PARP4: variants seen among roughly 807,000 people sequenced by gnomAD.
The protein encoded by PARP4 is protein mono-ADP-ribosyltransferase PARP4.
A neutral mutation model predicts 187.7 loss-of-function variants in PARP4; 120 were observed. The ratio of observed to expected loss-of-function variants is 0.64; its 90% CI spans 0.55 to 0.74. The LOEUF (loss-of-function observed/expected upper bound fraction) is 0.74. PARP4 is among the 30% of genes least tolerant of loss of function. PARP4 has a pLI of 0.00. For synonymous variants in PARP4, 654 were observed against 740.9 expected (o/e 0.88, Z 1.90); for missense variants, 1,836 against 2,070.5 (o/e 0.89, Z 2.20).
chr13:24,475,335 T>G, intron 15 of PARP4, 137 bp downstream of exon 15: 3 of 801,816 alleles, frequency 3.7e-6, no homozygotes, highest in South Asian at 1.8e-5. Context: ...TGGCATGGAG[T>G]GCTCAGTGAA....
At chr13:24,464,958 C>T (rs527296605) in intron 17 of PARP4, among the ~76,000 whole-genome samples, 1 of 151,632 alleles carries the variant, frequency 6.6e-6, no homozygotes, top group Admixed American at 6.6e-5. Flanking sequence ...GAAAAAAAAA[C>T]CCCATTAAAA....
intron 12 of PARP4, among the ~76,000 whole-genome samples, chr13:24,480,245 G>A (rs1037961582): frequency 6.6e-6 from 1 of 152,062 alleles, no homozygotes; most frequent in African/African-American, 2.4e-5. Flanking sequence ...GGTGGGCTTG[G>A]CAAATGTTTT....
intron 18 of PARP4, among the ~76,000 whole-genome samples, chr13:24,459,741 AT>A (rs1324754840): frequency 1.3e-5 from 2 of 150,782 alleles, no homozygotes; most frequent in East Asian, 1.9e-4. Flanking sequence ...CAGATATAAC[AT>A]TTTTTGAGTG....
At chr13:24,451,050 T>C (rs542298287) in intron 24 of PARP4, among the ~76,000 whole-genome samples, 3 of 152,106 alleles carry the variant, frequency 2.0e-5, no homozygotes, top group African/African-American at 7.2e-5. Flanking sequence ...CTCATCACAC[T>C]CCCTTGATTT....
chr13:24,466,561 G>A (rs1022981411), intron 17 of PARP4, among the ~76,000 whole-genome samples: 9 of 152,142 alleles, frequency 5.9e-5, no homozygotes, highest in African/African-American at 2.2e-4. Flanking sequence ...TTGGGAGGCA[G>A]AGGCAGGAGA....
intron 14 of PARP4, among the ~76,000 whole-genome samples, chr13:24,476,059 C>A (rs1872967896): frequency 6.6e-6 from 1 of 151,972 alleles, no homozygotes; most frequent in African/African-American, 2.4e-5. Flanking sequence ...AGTGCTGGGA[C>A]TATGGGCGTG....
chr13:24,448,742 TA>T (rs977349492), intron 25 of PARP4, among the ~76,000 whole-genome samples: 7 of 152,348 alleles, frequency 4.6e-5, no homozygotes, highest in African/African-American at 1.7e-4. Flanking sequence ...GATGAATGGA[TA>T]AGCAAAACGT....
At position 24,503,636 on chromosome 13, in the gene PARP4, T is replaced by C; in HGVS notation, c.132+9A>G. The C allele has an allele frequency of 1.2e-6, 2 of 1,612,164 alleles. No homozygotes were observed. The highest frequency in any genetic ancestry group is 1.7e-6 in the Non-Finnish European group (2 of 1,179,800). ...TTATCACACTGTAGTTTATGACACT[T>C]GGAAATACCTGAGGATTTAACGAAA... On this transcript the variant is annotated intron_variant, in intron 2 of 33. Coordinates refer to ENST00000381989, the MANE Select transcript of PARP4 (RefSeq NM_006437.4).
chr13:24,477,199 G>A (rs1227418113), intron 14 of PARP4, among the ~76,000 whole-genome samples: 2 of 152,192 alleles, frequency 1.3e-5, no homozygotes, highest in African/African-American at 2.4e-5. Context: ...AGGAAATGAG[G>A]CTGGCCATGG....
At chr13:24,473,682 C>T (rs1380222334) in intron 15 of PARP4, among the ~76,000 whole-genome samples, 1 of 152,130 alleles carries the variant, frequency 6.6e-6, no homozygotes, top group East Asian at 1.9e-4. Flanking sequence ...CTCTGTCTCC[C>T]AGTTCTTCCT....
intron 1 of PARP4, among the ~76,000 whole-genome samples, chr13:24,512,446 G>C (rs1028143205): frequency 6.6e-6 from 1 of 152,196 alleles, no homozygotes; most frequent in Non-Finnish European, 1.5e-5. Context: ...GTCGGCTCCG[G>C]TGGGCGCCCC....
intron 33 of PARP4, among the ~76,000 whole-genome samples, chr13:24,422,488 G>A (rs978768381): frequency 7.2e-5 from 11 of 152,170 alleles, no homozygotes; most frequent in South Asian, 4.1e-4. Flanking sequence ...TTCACATTCC[G>A]CTAGCAAGAA....
In PARP4 at chr13:24,434,857, G is replaced by A. The variant is rs1413212821; in HGVS notation, c.4284C>T (p.Thr1428=). The change falls in exon 31 of 34, where the codon ACC becomes ACT. Residue 1428 remains threonine (T), a synonymous_variant. Transcript: ENST00000381989. ...GGFTTRPSAG[T]FPELDSPQLH... is the part of the protein sequence containing the mutation. Reference sequence around the variant, plus strand: ...GCTGGGGAGAATCCAGCTCAGGGAAGGTGCCAGCAGAAGGCCTGGTAGTAA... The same window carrying A: ...GCTGGGGAGAATCCAGCTCAGGGAAAGTGCCAGCAGAAGGCCTGGTAGTAA... 1.9e-6 allele frequency: 3 copies of A among 1,614,116 alleles called. No individual in the cohort carries two copies. The highest frequency in any genetic ancestry group is 1.7e-4 in the Middle Eastern group (1 of 6,024).
intron 27 of PARP4, among the ~76,000 whole-genome samples, 191 bp downstream of exon 27, chr13:24,446,490 C>T (rs1423811194): frequency 8.6e-5 from 13 of 151,240 alleles, no homozygotes; most frequent in Middle Eastern, 3.5e-3. Context: ...TAACGATAGC[C>T]GATGAGCTGA....
intron 4 of PARP4, among the ~76,000 whole-genome samples, chr13:24,500,059 A>G (rs1029829058): frequency 6.6e-5 from 10 of 151,670 alleles, no homozygotes; most frequent in African/African-American, 2.4e-4. Context: ...AAAGAATTAA[A>G]AAAAAAACCC....
In PARP4 at chr13:24,475,499, T is replaced by A; in HGVS notation, c.1887A>T (p.Lys629Asn). Residue 629 changes from lysine to asparagine, a missense_variant, in exon 15 of 34, where the codon AAA (lysine) becomes AAT (asparagine). Around this residue, in one of 8 missense-constraint regions of PARP4, gnomAD observed 1,147 missense variants for 1,214.2 expected, o/e 0.94. Coordinates refer to ENST00000381989, the MANE Select transcript of PARP4 (RefSeq NM_006437.4). ...NLVPLEDVHI[K>N]GRIIDTVAQV... Reference sequence around the variant, plus strand: ...GGGCTACAGTGTCTATGATTCTCCCTTTGATGTGGACATCCTCCAGAGGAA... The same window carrying A: ...GGGCTACAGTGTCTATGATTCTCCCATTGATGTGGACATCCTCCAGAGGAA... 2 of 1,613,982 alleles carry A rather than the reference T, an allele frequency of 1.2e-6. No individual in the cohort carries two copies. Among genetic ancestry groups the A allele is most frequent in the Middle Eastern group, 3.3e-4 (2 of 6,062 alleles).
rs144197748 is a variant in PARP4, at chr13:24,473,848, C to T, written c.1914+1624G>A. On this transcript the variant is annotated intron_variant, in intron 15 of 33. Transcript: ENST00000381989. ...CCTCCCCTCCCTGTTCAGCTGTCCTCGTGTGTCTCCACAGCCGCTCCCTCC... is the reference window on the plus strand; with the variant it reads ...CCTCCCCTCCCTGTTCAGCTGTCCTTGTGTGTCTCCACAGCCGCTCCCTCC... Among the ~76,000 whole-genome samples the T allele has an allele frequency of 1.3e-3, 192 of 152,224 alleles. 2 individuals are homozygous for T. The highest frequency in any genetic ancestry group is 4.3e-3 in the African/African-American group (180 of 41,530).
intron 17 of PARP4, among the ~76,000 whole-genome samples, chr13:24,463,319 A>C (rs867090738): frequency 8.5e-5 from 13 of 152,112 alleles, no homozygotes; most frequent in African/African-American, 3.1e-4. Flanking sequence ...AAGGTGAAAG[A>C]CTTTGTTAGA....
At chr13:24,452,202 C>T (rs1337655192) in intron 24 of PARP4, 4 of 502,024 alleles carry the variant, frequency 8.0e-6, no homozygotes, top group African/African-American at 7.8e-5. Flanking sequence ...AAGGAACTTG[C>T]TCAAGGTCAC....
Sources: gnomAD v4.1 joint callset for allele counts (sites outside exome capture counted in the v4.1 genomes callset) on GRCh38, gnomAD v4.1.1 for gene constraint, gnomAD v4.1.1 regional missense constraint, MANE v1.5 for transcripts, NCBI Gene and HGNC (gene_info 2026-07-23, HGNC 2026-07-21) for gene names.